Variants in TMEM200A observed in about 807,000 individuals in gnomAD.
The protein encoded by TMEM200A is transmembrane protein 200A.
A neutral mutation model predicts 24.3 loss-of-function variants in TMEM200A; 12 were observed. The ratio of observed to expected loss-of-function variants is 0.49; its 90% CI spans 0.32 to 0.80. The LOEUF is 0.80. Among genes scored for constraint, TMEM200A ranks in the 30% least tolerant of loss-of-function variants. The pLI, the probability that TMEM200A is intolerant of heterozygous loss-of-function variation, is 0.04. For synonymous variants in TMEM200A, 224 were observed against 224.4 expected, an observed-to-expected ratio of 1.00 and a Z score of 0.02; for missense variants, 545 against 614.4, an observed-to-expected ratio of 0.89 and a Z score of 1.19.
At chr6:130,432,751 C>T (rs1447917388) in intron 2 of TMEM200A, among the ~76,000 whole-genome samples, 1 of 152,168 alleles carries the variant, frequency 6.6e-6, no homozygotes, top group African/African-American at 2.4e-5. Flanking sequence ...CAGCTGATAT[C>T]ACTAATATCA....
rs538307879 is a variant in TMEM200A at position 130,366,324 on chromosome 6, C to G, written c.-281C>G. The G allele has an allele frequency of 9.3e-5, 92 of 985,352 alleles. 1 individual carries two copies. The East Asian group carries it at 2.7e-3, about 29-fold the overall frequency. The allele number at this position is 985,352 out of a possible 1,614,324, so 61.0% of individuals were successfully genotyped here. Reference sequence around the variant, plus strand: ...CGCCCCCTCGCCTGACTCATCCGCCCGCGGTGGCCGCCCGAGCCCTGGGAT... The same window carrying G: ...CGCCCCCTCGCCTGACTCATCCGCCGGCGGTGGCCGCCCGAGCCCTGGGAT... On this transcript the variant is annotated 5_prime_UTR_variant, in exon 1 of 3. Coordinates refer to ENST00000296978, the MANE Select transcript of TMEM200A (RefSeq NM_001258277.2). The surrounding 1 kb of genome is among the most constrained non-coding windows in gnomAD (Gnocchi z 4.4).
intron 1 of TMEM200A, among the ~76,000 whole-genome samples, chr6:130,367,480 A>AGAG (rs1481735999): frequency 3.9e-5 from 6 of 152,250 alleles, no homozygotes; most frequent in African/African-American, 1.4e-4. Context: ...AAATATTACC[A>AGAG]GAGCTTGTGA....
intron 2 of TMEM200A, among the ~76,000 whole-genome samples, chr6:130,409,992 T>C (rs920491381): frequency 5.3e-5 from 8 of 152,180 alleles, no homozygotes; most frequent in African/African-American, 1.9e-4. Flanking sequence ...TGTATGACTC[T>C]AACAGCAAAA....
intron 2 of TMEM200A, among the ~76,000 whole-genome samples, chr6:130,416,546 C>G (rs1779459919): frequency 6.6e-6 from 1 of 152,132 alleles, no homozygotes; most frequent in Non-Finnish European, 1.5e-5. Context: ...ACTGCCCACA[C>G]CCAGTGTCAA....
At chr6:130,421,510 T>TTGTG (rs60156754) in intron 2 of TMEM200A, among the ~76,000 whole-genome samples, 14,974 of 148,978 alleles carry the variant, frequency 0.1, 2,371 homozygotes, top group African/African-American at 0.34. Flanking sequence ...ACAGTTACCT[T>TTGTG]TGTGTGTGTG....
intron 2 of TMEM200A, among the ~76,000 whole-genome samples, chr6:130,404,169 G>A (rs913757713): frequency 3.5e-4 from 54 of 152,162 alleles, no homozygotes; most frequent in Admixed American, 9.8e-4. Flanking sequence ...ATAGAATGAT[G>A]TATATTCCTT....
chr6:130,414,269 T>C (rs1451602080), intron 2 of TMEM200A, among the ~76,000 whole-genome samples: 1 of 151,714 alleles, frequency 6.6e-6, no homozygotes, highest in African/African-American at 2.4e-5. Flanking sequence ...CCATCTCTAC[T>C]AAAAATACAA....
At chr6:130,429,504 A>G (rs945979286) in intron 2 of TMEM200A, among the ~76,000 whole-genome samples, 1 of 152,142 alleles carries the variant, frequency 6.6e-6, no homozygotes, top group Non-Finnish European at 1.5e-5. Flanking sequence ...AAATATATGA[A>G]ATTGATATGT....
chr6:130,371,944 G>C (rs947297089), intron 1 of TMEM200A, among the ~76,000 whole-genome samples: 1 of 152,208 alleles, frequency 6.6e-6, no homozygotes, highest in Non-Finnish European at 1.5e-5. Context: ...CGTTTGTAAG[G>C]CCATGCGCCT....
chr6:130,425,684 C>T (rs545937858), intron 2 of TMEM200A, among the ~76,000 whole-genome samples: 1 of 152,216 alleles, frequency 6.6e-6, no homozygotes, highest in African/African-American at 2.4e-5. Context: ...CTAAAACAGC[C>T]ACTTACATAC....
chr6:130,432,487 A>G (rs1015515472), intron 2 of TMEM200A, among the ~76,000 whole-genome samples: 1 of 152,196 alleles, frequency 6.6e-6, no homozygotes, highest in Non-Finnish European at 1.5e-5. Context: ...TTGCCACTAA[A>G]ATATACAGAT....
At chr6:130,379,504 G>A (rs1413501415) in intron 1 of TMEM200A, among the ~76,000 whole-genome samples, 8 of 151,840 alleles carry the variant, frequency 5.3e-5, no homozygotes, top group South Asian at 4.2e-4. Flanking sequence ...GTGCACATGC[G>A]TGATTGAGCT....
intron 2 of TMEM200A, among the ~76,000 whole-genome samples, chr6:130,428,939 T>C (rs1336170445): frequency 2.0e-5 from 3 of 152,124 alleles, no homozygotes; most frequent in African/African-American, 7.2e-5. Context: ...AAAAGAAATA[T>C]ACAATACCAA....
At chr6:130,416,140 T>G (rs1445830490) in intron 2 of TMEM200A, among the ~76,000 whole-genome samples, 1 of 152,166 alleles carries the variant, frequency 6.6e-6, no homozygotes, top group Non-Finnish European at 1.5e-5. Flanking sequence ...ATCAAATAAA[T>G]GATGCTGTAA....
chr6:130,367,940 G>T (rs1180299900), intron 1 of TMEM200A, among the ~76,000 whole-genome samples: 1 of 152,192 alleles, frequency 6.6e-6, no homozygotes, highest in Admixed American at 6.5e-5. Flanking sequence ...CATTAGAGTT[G>T]TATGGAAAGT....
At chr6:130,365,996 T>G, upstream of TMEM200A, 11 of 984,214 alleles carry the variant, frequency 1.1e-5, no homozygotes, top group African/African-American at 1.8e-5. Context: ...CTTTATGGCG[T>G]GAGGTTTGGG....
chr6:130,426,999 T>TA (rs1178553193), intron 2 of TMEM200A, among the ~76,000 whole-genome samples: 2 of 152,228 alleles, frequency 1.3e-5, no homozygotes, highest in Admixed American at 1.3e-4. Flanking sequence ...ACTTATCATT[T>TA]AGTCTGGTTT....
chr6:130,383,356 G>A lies in TMEM200A; in HGVS notation c.-80-1817G>A, dbSNP rs187963397. Among the ~76,000 whole-genome samples the A allele has an allele frequency of 7.0e-4, 106 of 152,338 alleles. 1 individual carries two copies. Among genetic ancestry groups the A allele is most frequent in the Non-Finnish European group, 1.3e-3 (91 of 68,036 alleles). On this transcript the variant is annotated intron_variant, in intron 1 of 2. Coordinates refer to ENST00000296978, the MANE Select transcript of TMEM200A (RefSeq NM_001258277.2). Reference sequence around the variant, plus strand: ...ACATGCTGGCATTCCACAACAGCCAGATGGGAAGTATTTATGACAGGGGAT... The same window carrying A: ...ACATGCTGGCATTCCACAACAGCCAAATGGGAAGTATTTATGACAGGGGAT...
intron 1 of TMEM200A, among the ~76,000 whole-genome samples, chr6:130,369,439 C>T (rs563249057): frequency 1.3e-5 from 2 of 152,216 alleles, no homozygotes; most frequent in East Asian, 3.9e-4. Flanking sequence ...TGAATTTCTG[C>T]GTAAGAATTT....
Sources: gnomAD v4.1 joint callset for allele counts (sites outside exome capture counted in the v4.1 genomes callset) on GRCh38, gnomAD v4.1.1 for gene constraint, Gnocchi (gnomAD v3.1) non-coding constraint, MANE v1.5 for transcripts, NCBI Gene and HGNC (gene_info 2026-07-23, HGNC 2026-07-21) for gene names.